ASIC2: variants seen among roughly 807,000 people sequenced by gnomAD.
ASIC2 encodes the protein acid-sensing ion channel 2.
In ASIC2, 25 loss-of-function variants were observed where a neutral mutation model predicts 57.3. The ratio of observed to expected loss-of-function variants is 0.44; its 90% CI spans 0.32 to 0.61. The LOEUF is 0.61. ASIC2 is among the 20% of genes least tolerant of loss of function. The pLI is 0.06. For synonymous variants in ASIC2, 319 were observed against 307.5 expected (o/e 1.04, Z -0.39); for missense variants, 641 against 738.1 (o/e 0.87, Z 1.52).
intron 3 of ASIC2, among the ~76,000 whole-genome samples, chr17:33,071,048 C>A (rs1283006461): frequency 2.6e-5 from 4 of 152,030 alleles, no homozygotes; most frequent in African/African-American, 9.7e-5. Context: ...TCTTTTATAA[C>A]TGGCTTTGAG....
At chr17:33,287,747 G>T (rs1905254532) in intron 1 of ASIC2, among the ~76,000 whole-genome samples, 1 of 152,128 alleles carries the variant, frequency 6.6e-6, no homozygotes, top group South Asian at 2.1e-4. Flanking sequence ...GGGACTTAGG[G>T]ACAGCTGGCA....
At chr17:33,869,330 A>G (rs1208126991) in intron 1 of ASIC2, among the ~76,000 whole-genome samples, 2 of 152,222 alleles carry the variant, frequency 1.3e-5, no homozygotes, top group Admixed American at 1.3e-4. Context: ...AAATGGCACA[A>G]GTGTTTAGAA....
At chr17:33,337,933 T>C (rs1247300112) in intron 1 of ASIC2, among the ~76,000 whole-genome samples, 3 of 151,880 alleles carry the variant, frequency 2.0e-5, no homozygotes. Flanking sequence ...GGTGGAAGTG[T>C]TCCTTCTGAG....
intron 1 of ASIC2, among the ~76,000 whole-genome samples, chr17:34,022,467 T>C (rs1567791134): frequency 6.6e-6 from 1 of 152,130 alleles, no homozygotes; most frequent in Non-Finnish European, 1.5e-5. Context: ...GGAAGTAAGA[T>C]GGGCAATCAC....
intron 1 of ASIC2, among the ~76,000 whole-genome samples, chr17:33,928,572 C>T (rs1021898012): frequency 1.3e-5 from 2 of 152,190 alleles, no homozygotes; most frequent in Admixed American, 6.5e-5. Flanking sequence ...CTCTGAGCTT[C>T]ACCTCAAAAG....
At chr17:33,646,541 ACTTAGAGACAGTGAGTCC>A (rs1013449065) in intron 1 of ASIC2, among the ~76,000 whole-genome samples, 1 of 152,180 alleles carries the variant, frequency 6.6e-6, no homozygotes, top group Non-Finnish European at 1.5e-5. Context: ...GAGAAGAGAG[ACTTAGAGACAGTGAGTCC>A]CCTTCTACTT....
intron 1 of ASIC2, among the ~76,000 whole-genome samples, chr17:33,194,082 C>T (rs1336844483): frequency 3.3e-5 from 5 of 152,288 alleles, no homozygotes; most frequent in African/African-American, 1.2e-4. Context: ...CCTCCAGGGA[C>T]CATCCATGCT....
At chr17:33,690,525 C>G (rs1908329570) in intron 1 of ASIC2, among the ~76,000 whole-genome samples, 1 of 152,078 alleles carries the variant, frequency 6.6e-6, no homozygotes, top group Non-Finnish European at 1.5e-5. Context: ...AATATGCAAG[C>G]TCTTATTAAG....
chr17:33,094,670 C>T (rs1240712446), intron 2 of ASIC2, among the ~76,000 whole-genome samples: 4 of 152,120 alleles, frequency 2.6e-5, no homozygotes, highest in Non-Finnish European at 5.9e-5. Context: ...GGGATGGAGA[C>T]CTCACTCCCT....
intron 1 of ASIC2, among the ~76,000 whole-genome samples, chr17:34,124,422 A>G (rs1911713545): frequency 6.6e-6 from 1 of 152,184 alleles, no homozygotes; most frequent in South Asian, 2.1e-4. Context: ...TAGGGAGATC[A>G]CTCTAAAACA....
At chr17:33,224,592 G>A (rs1480131291) in intron 1 of ASIC2, among the ~76,000 whole-genome samples, 1 of 152,178 alleles carries the variant, frequency 6.6e-6, no homozygotes, top group Non-Finnish European at 1.5e-5. Context: ...GTATGCATGT[G>A]GAAACAGGGA....
chr17:33,366,077 G>T (rs1908797844), intron 1 of ASIC2, among the ~76,000 whole-genome samples: 1 of 152,232 alleles, frequency 6.6e-6, no homozygotes, highest in Non-Finnish European at 1.5e-5. Flanking sequence ...TCTAAGAACA[G>T]AGGCTGTTTG....
chr17:33,599,168 A>AT (rs935350124), intron 1 of ASIC2, among the ~76,000 whole-genome samples: 4 of 152,158 alleles, frequency 2.6e-5, no homozygotes, highest in African/African-American at 9.7e-5. Flanking sequence ...CATAAGAAAT[A>AT]TTTTTTTGAA....
intron 1 of ASIC2, among the ~76,000 whole-genome samples, chr17:33,484,884 G>A (rs573810590): frequency 1.7e-4 from 26 of 152,304 alleles, no homozygotes; most frequent in Admixed American, 9.2e-4. Context: ...ACACCCCTAC[G>A]TGTAATTAAA....
intron 1 of ASIC2, among the ~76,000 whole-genome samples, chr17:33,175,686 C>T (rs117857255): frequency 0.011 from 1,725 of 152,188 alleles, 11 homozygotes; most frequent in South Asian, 0.02. Flanking sequence ...TCAAGTCCAG[C>T]GGCTGCTGCC....
intron 1 of ASIC2, among the ~76,000 whole-genome samples, chr17:33,943,321 C>A (rs1401122428): frequency 6.6e-6 from 1 of 152,214 alleles, no homozygotes; most frequent in Non-Finnish European, 1.5e-5. Context: ...GCCCTCATGT[C>A]CGCACTTCAT....
At chr17:34,076,913 T>C (rs1243521375) in intron 1 of ASIC2, among the ~76,000 whole-genome samples, 1 of 152,190 alleles carries the variant, frequency 6.6e-6, no homozygotes. Flanking sequence ...GGCAGTACTA[T>C]TGTGGGTGGC....
intron 1 of ASIC2, among the ~76,000 whole-genome samples, chr17:34,032,277 A>G (rs1308517239): frequency 1.3e-5 from 2 of 152,200 alleles, no homozygotes; most frequent in African/African-American, 4.8e-5. Context: ...TCATAAGTGA[A>G]GGAGAAATAA....
intron 1 of ASIC2, among the ~76,000 whole-genome samples, chr17:33,383,840 A>G (rs1434701767): frequency 6.6e-6 from 1 of 152,236 alleles, no homozygotes; most frequent in African/African-American, 2.4e-5. Flanking sequence ...GGGTCAACCA[A>G]TTTAGCAGGG....
Sources: gnomAD v4.1 joint callset for allele counts (sites outside exome capture counted in the v4.1 genomes callset) on GRCh38, gnomAD v4.1.1 for gene constraint, MANE v1.5 for transcripts, NCBI Gene and HGNC (gene_info 2026-07-23, HGNC 2026-07-21) for gene names.